The following NDST3 variants were observed in gnomAD, a reference collection of about 807,000 sequenced individuals.
NDST3 encodes the protein bifunctional heparan sulfate N-deacetylase/N-sulfotransferase 3.
A neutral mutation model predicts 96.1 loss-of-function variants in NDST3; 58 were observed. The ratio of observed to expected loss-of-function variants is 0.60; its 90% CI spans 0.49 to 0.75. The LOEUF (loss-of-function observed/expected upper bound fraction) is 0.75, where lower values mean the gene tolerates loss of function less well. Among genes scored for constraint, NDST3 ranks in the 30% least tolerant of loss-of-function variants. The probability of loss-of-function intolerance (pLI) is 0.00; values close to 1 mark genes in which losing one functional copy is unlikely to be tolerated. For missense variants in NDST3, 788 were observed against 1,034.2 expected (o/e 0.76, Z 3.27); for synonymous variants, 333 against 359.7 (o/e 0.93, Z 0.84).
chr4:118,058,509 A>G (rs1725624800), intron 2 of NDST3, among the ~76,000 whole-genome samples: 1 of 151,908 alleles, frequency 6.6e-6, no homozygotes, highest in Admixed American at 6.6e-5. Flanking sequence ...TAGCCTGTAA[A>G]GAACCAAAGA....
chr4:118,225,450 G>A (rs1739811846), intron 7 of NDST3, among the ~76,000 whole-genome samples: 1 of 152,154 alleles, frequency 6.6e-6, no homozygotes, highest in Non-Finnish European at 1.5e-5. Context: ...TTAAGTGGTA[G>A]GTACAGTTAT....
chr4:118,217,223 T>C (rs551257340), intron 6 of NDST3, among the ~76,000 whole-genome samples: 4 of 152,096 alleles, frequency 2.6e-5, no homozygotes, highest in Non-Finnish European at 4.4e-5. Flanking sequence ...CCAAGGAATA[T>C]TGTAGATCAA....
Position 118,054,252 on chromosome 4 carries a change from G to T in NDST3, c.342G>T (p.Lys114Asn). The change falls in exon 2 of 14, where the codon AAG (lysine) becomes AAT (asparagine). Residue 114 changes from lysine (K) to asparagine (N), a missense_variant. By Grantham distance (94) the Lys-to-Asn change is moderately conservative (BLOSUM62 0). Around this residue, in one of 3 missense-constraint regions of NDST3, gnomAD observed 234 missense variants for 256.9 expected, o/e 0.91. Coordinates refer to ENST00000296499, the MANE Select transcript of NDST3 (RefSeq NM_004784.3). ...FQYHIEIAPG[K>N]GDLPVLIDKM... ...ATCACATTGAAATTGCCCCTGGAAA[G>T]GGAGATCTCCCAGTGCTTATAGACA... 4 of 1,612,680 alleles carry T rather than the reference G, an allele frequency of 2.5e-6. No homozygotes were observed. Among genetic ancestry groups the T allele is most frequent in the Non-Finnish European group, 3.4e-6 (4 of 1,179,358 alleles).
At chr4:118,181,770 A>G (rs1183095599) in intron 6 of NDST3, among the ~76,000 whole-genome samples, 8 of 152,194 alleles carry the variant, frequency 5.3e-5, no homozygotes, top group African/African-American at 1.7e-4. Flanking sequence ...GTCACATGAA[A>G]GTGAAAAACA....
intron 6 of NDST3, among the ~76,000 whole-genome samples, chr4:118,153,784 A>G (rs551027484): frequency 6.6e-6 from 1 of 152,284 alleles, no homozygotes; most frequent in South Asian, 2.1e-4. Context: ...AAATCGCACC[A>G]CTGCACTCCA....
intron 1 of NDST3, among the ~76,000 whole-genome samples, chr4:118,049,899 C>T (rs1251285918): frequency 6.6e-6 from 1 of 151,982 alleles, no homozygotes; most frequent in Admixed American, 6.6e-5. Flanking sequence ...CAAGCATCAG[C>T]CTGATACCAA....
intron 2 of NDST3, among the ~76,000 whole-genome samples, chr4:118,083,388 T>C (rs924638817): frequency 1.3e-5 from 2 of 152,208 alleles, no homozygotes; most frequent in Non-Finnish European, 2.9e-5. Flanking sequence ...CTTAATTCGA[T>C]TTATTATTGA....
intron 2 of NDST3, among the ~76,000 whole-genome samples, chr4:118,058,177 T>C (rs1010518610): frequency 2.6e-5 from 4 of 152,130 alleles, no homozygotes; most frequent in Admixed American, 6.6e-5. Flanking sequence ...TAAACTGTTA[T>C]GTACAAAATT....
intron 1 of NDST3, among the ~76,000 whole-genome samples, chr4:118,040,722 G>A (rs921210103): frequency 3.3e-5 from 5 of 151,084 alleles, no homozygotes; most frequent in East Asian, 3.9e-4. Context: ...TTACTCTGTC[G>A]CCCAGGCTGG....
At chr4:118,082,712 T>G (rs138100493) in intron 2 of NDST3, among the ~76,000 whole-genome samples, 322 of 152,262 alleles carry the variant, frequency 2.1e-3, no homozygotes, top group Non-Finnish European at 3.6e-3. Context: ...GCCCACAAGA[T>G]ATGCATAAAT....
At chr4:118,171,721 T>C (rs1735965129) in intron 6 of NDST3, among the ~76,000 whole-genome samples, 1 of 152,236 alleles carries the variant, frequency 6.6e-6, no homozygotes, top group Non-Finnish European at 1.5e-5. Context: ...CTGAAGGTCA[T>C]ACAATACCGC....
At chr4:118,105,883 AAAATG>A (rs1456072841) in intron 3 of NDST3, among the ~76,000 whole-genome samples, 1 of 152,202 alleles carries the variant, frequency 6.6e-6, no homozygotes, top group Non-Finnish European at 1.5e-5. Flanking sequence ...ATTTTAGTAG[AAAATG>A]TCAGTTTTTC....
At position 118,190,678 on chromosome 4, in the gene NDST3, G is replaced by C. The variant is rs140880286; in HGVS notation, c.1540-33813G>C. On this transcript the variant is annotated intron_variant, in intron 6 of 13. Transcript: ENST00000296499. ...ACTCCCGAAGTAACCAGGAGGCAAA[G>C]CTGGGGCAGGGAAGAAAGGGCCATA... Among the ~76,000 whole-genome samples, 275 of 152,278 alleles carry C rather than the reference G, an allele frequency of 1.8e-3. 1 individual carries two copies. Among genetic ancestry groups the C allele is most frequent in the Non-Finnish European group, 3.0e-3 (207 of 68,030 alleles).
intron 12 of NDST3, among the ~76,000 whole-genome samples, chr4:118,245,545 G>A (rs1330133206): frequency 1.3e-5 from 2 of 152,140 alleles, no homozygotes; most frequent in Admixed American, 6.5e-5. Flanking sequence ...TATATTGCCC[G>A]GGAATTGTTT....
At chr4:118,241,927 G>C (rs778181802) in intron 11 of NDST3, 113 bp from the exon 12 acceptor site, 1 of 661,070 alleles carries the variant, frequency 1.5e-6, no homozygotes, top group African/African-American at 1.8e-5. Context: ...ACCAATGCAT[G>C]CAATTCTGCT....
intron 2 of NDST3, among the ~76,000 whole-genome samples, chr4:118,087,351 A>G (rs1368555476): frequency 6.6e-6 from 1 of 152,122 alleles, no homozygotes; most frequent in African/African-American, 2.4e-5. Context: ...CAAGATCACT[A>G]CGAAGGCAGG....
At chr4:118,075,502 A>G (rs1727449908) in intron 2 of NDST3, among the ~76,000 whole-genome samples, 1 of 152,192 alleles carries the variant, frequency 6.6e-6, no homozygotes, top group Non-Finnish European at 1.5e-5. Context: ...GAACTAGTTT[A>G]CACTCCCACC....
intron 9 of NDST3, among the ~76,000 whole-genome samples, chr4:118,236,767 G>C (rs1740673018): frequency 6.6e-6 from 1 of 152,128 alleles, no homozygotes; most frequent in Non-Finnish European, 1.5e-5. Flanking sequence ...GTCGATCACT[G>C]TTGCAGTTTG....
chr4:118,194,160 T>A (rs1737509679), intron 6 of NDST3: 2 of 850,300 alleles, frequency 2.4e-6, no homozygotes, highest in Non-Finnish European at 4.0e-6. Flanking sequence ...ATGCACTGAA[T>A]GGCCCTCTCC....
Sources: gnomAD v4.1 joint callset for allele counts (sites outside exome capture counted in the v4.1 genomes callset) on GRCh38, gnomAD v4.1.1 for gene constraint, gnomAD v4.1.1 regional missense constraint, MANE v1.5 for transcripts, NCBI Gene and HGNC (gene_info 2026-07-23, HGNC 2026-07-21) for gene names.